Variants in ATP2A3 observed in about 807,000 individuals in gnomAD.
ATP2A3 encodes the protein sarcoplasmic/endoplasmic reticulum calcium ATPase 3.
A neutral mutation model predicts 106.8 loss-of-function variants in ATP2A3; 61 were observed. The observed-to-expected ratio is 0.57, with a 90% CI of 0.46 to 0.71. The LOEUF (loss-of-function observed/expected upper bound fraction) is 0.71, where lower values mean the gene tolerates loss of function less well. Ranked by LOEUF, ATP2A3 falls within the 30% of genes least tolerant of loss-of-function variation. ATP2A3 has a pLI of 0.00. For missense variants in ATP2A3, 1,201 were observed against 1,423.5 expected (o/e 0.84, Z 2.52); for synonymous variants, 611 against 609.3 (o/e 1.00, Z -0.04).
In ATP2A3 at chr17:3,926,242, C is replaced by G. The variant is rs552331451; in HGVS notation, c.2981-801G>C. 2.6e-5 allele frequency among the ~76,000 whole-genome samples: 4 copies of G among 152,214 alleles called. No individual in the cohort carries two copies. The highest frequency in any genetic ancestry group is 4.4e-5 in the Non-Finnish European group (3 of 68,038). ...AAAACTTCCCTAAAAGGCCACCCAG[C>G]TGGCTTGGGAGCGCAAAGGGTCCCT... is the stretch of plus-strand genomic sequence containing the variant. On this transcript the variant is annotated intron_variant, in intron 20 of 20. Coordinates refer to ENST00000397041, the MANE Select transcript of ATP2A3 (RefSeq NM_005173.4). The surrounding 1 kb of genome is among the most constrained non-coding windows in gnomAD (Gnocchi z 4.6).
chr17:3,957,878 C>T (rs1014290356), intron 1 of ATP2A3, among the ~76,000 whole-genome samples: 1 of 152,192 alleles, frequency 6.6e-6, no homozygotes, highest in Admixed American at 6.5e-5. Context: ...AGAGACAGGA[C>T]CAGGAGGTGC....
At chr17:3,952,329 C>T (rs2054496444) in intron 3 of ATP2A3, among the ~76,000 whole-genome samples, 1 of 152,186 alleles carries the variant, frequency 6.6e-6, no homozygotes, top group South Asian at 2.1e-4. Context: ...CTCGGCCTGC[C>T]AAAGTGCTAG....
intron 1 of ATP2A3, among the ~76,000 whole-genome samples, chr17:3,954,360 C>A (rs961340059): frequency 6.6e-6 from 1 of 151,792 alleles, no homozygotes; most frequent in African/African-American, 2.4e-5. Flanking sequence ...ATGGTGCAGT[C>A]CCCCCCAGGC....
chr17:3,950,695 G>T lies in ATP2A3; in HGVS notation c.542C>A (p.Thr181Lys), dbSNP rs766349090. 2 of 1,613,798 alleles carry T rather than the reference G, an allele frequency of 1.2e-6. No homozygotes were observed. The highest frequency in any genetic ancestry group is 1.7e-6 in the Non-Finnish European group (2 of 1,179,974). ...CGGCCTCCTGGGGGGGGCCTCACCCGTCAGGATGGACTGGTCCACTCGCAG... is the reference window on the plus strand; with the variant it reads ...CGGCCTCCTGGGGGGGGCCTCACCCTTCAGGATGGACTGGTCCACTCGCAG... ...TTLRVDQSIL[T>K]GESVSVTKHT... The change falls in exon 6 of 21, where the codon ACG becomes AAG. Residue 181 changes from threonine to lysine, a missense_variant and splice_region_variant. Transcript: ENST00000397041.
At chr17:3,956,800 AC>A (rs2054807440) in intron 1 of ATP2A3, among the ~76,000 whole-genome samples, 1 of 151,656 alleles carries the variant, frequency 6.6e-6, no homozygotes, top group Non-Finnish European at 1.5e-5. Context: ...CCTGACTGAT[AC>A]CCCCTCCGCT....
In ATP2A3 at chr17:3,943,513, C is replaced by T. The variant is rs1334729277; in HGVS notation, c.1297G>A (p.Val433Met). The T allele has an allele frequency of 1.9e-6, 3 of 1,613,964 alleles. No individual in the cohort carries two copies. Among genetic ancestry groups the T allele is most frequent in the Non-Finnish European group, 1.7e-6 (2 of 1,179,962 alleles). The change falls in exon 11 of 21, where the codon GTG (valine) becomes ATG (methionine). Residue 433 changes from valine (V) to methionine (M), a missense_variant. Coordinates refer to ENST00000397041, the MANE Select transcript of ATP2A3 (RefSeq NM_005173.4). ...SALDYNEAKGVYEKVGEATET... is the reference protein window; with the variant it reads ...SALDYNEAKGMYEKVGEATET... ...GTGGCCTCTCCCACCTTCTCATACA[C>T]ACCCTTGGCCTGGCAAGGACCCAGG...
chr17:3,964,066 G>A (rs747298220), intron 1 of ATP2A3, 108 bp downstream of exon 1: 83 of 542,456 alleles, frequency 1.5e-4, no homozygotes, highest in Non-Finnish European at 2.0e-4. Flanking sequence ...GGTTTCCGGA[G>A]CCCTCGCTTC....
chr17:3,932,682 T>C lies in ATP2A3; in HGVS notation c.2611-2248A>G, dbSNP rs191134837. Among the ~76,000 whole-genome samples, 1,255 of 150,332 alleles carry C rather than the reference T, an allele frequency of 8.3e-3. 21 individuals carry two copies. The highest frequency in any genetic ancestry group is 0.03 in the African/African-American group (1,193 of 39,716). On this transcript the variant is annotated intron_variant, in intron 17 of 20. Coordinates refer to ENST00000397041, the MANE Select transcript of ATP2A3 (RefSeq NM_005173.4). ...CTCAAATTCCTGGGCTCAAGTGATCTGCCCGCCTTGGCATCCCAGAGTGCT... is the reference window on the plus strand; with the variant it reads ...CTCAAATTCCTGGGCTCAAGTGATCCGCCCGCCTTGGCATCCCAGAGTGCT...
chr17:3,943,680 G>A (rs1054868418), intron 10 of ATP2A3, among the ~76,000 whole-genome samples, 158 bp from the exon 11 acceptor site: 13 of 152,138 alleles, frequency 8.5e-5, no homozygotes, highest in African/African-American at 3.1e-4. Flanking sequence ...GCCGCCCTGG[G>A]GTCGGGGTGG....
chr17:3,930,476 C>T lies in ATP2A3; in HGVS notation c.2611-42G>A, dbSNP rs780723294. ...AGGTCAGAGAGAGCGGCAGGTCAGG[C>T]GAGGGGCTGGTGGGTGGGAGGAGGG... On this transcript the variant is annotated intron_variant, in intron 17 of 20. Coordinates refer to ENST00000397041, the MANE Select transcript of ATP2A3 (RefSeq NM_005173.4). The surrounding 1 kb of genome is among the most constrained non-coding windows in gnomAD (Gnocchi z 5.4). The T allele has an allele frequency of 4.4e-6, 7 of 1,607,508 alleles. No individual in the cohort carries two copies. Among genetic ancestry groups the T allele is most frequent in the Non-Finnish European group, 5.1e-6 (6 of 1,177,652 alleles).
intron 5 of ATP2A3, among the ~76,000 whole-genome samples, 198 bp downstream of exon 5, chr17:3,951,053 G>C (rs2054391130): frequency 6.6e-6 from 1 of 151,972 alleles, no homozygotes; most frequent in African/African-American, 2.4e-5. Context: ...AATAAAAGGA[G>C]GAGGCCCCTA....
In ATP2A3 at chr17:3,953,398, C is replaced by T. The variant is rs753148382; in HGVS notation, c.168G>A (p.Gln56=). ...GKSLWELVLE[Q]FEDLLVRILL... is the part of the protein sequence containing the mutation. ...GGATGCGCACCAGGAGGTCCTCAAACTGTTCCAGCACCAGCTCCCACAGGG... is the reference window on the plus strand; with the variant it reads ...GGATGCGCACCAGGAGGTCCTCAAATTGTTCCAGCACCAGCTCCCACAGGG... The change falls in exon 3 of 21, where the codon CAG becomes CAA. Residue 56 remains glutamine, a synonymous_variant. Coordinates refer to ENST00000397041, the MANE Select transcript of ATP2A3 (RefSeq NM_005173.4). This position sits in a 1 kb window ranked among gnomAD's most constrained non-coding sequence, Gnocchi z 5.1. The T allele has an allele frequency of 8.1e-5, 130 of 1,613,928 alleles. No homozygotes were observed. Among genetic ancestry groups the T allele is most frequent in the Non-Finnish European group, 1.1e-4 (129 of 1,180,012 alleles).
In ATP2A3 at chr17:3,945,162, G is replaced by A. The variant is rs766342655; in HGVS notation, c.1096-14C>T. 1.9e-6 allele frequency: 3 copies of A among 1,544,252 alleles called. No individual in the cohort carries two copies. The South Asian group carries it at 3.6e-5, about 18-fold the overall frequency. ...TACCACGAACATCTGGGGAGCGCAG[G>A]GGCGTGCTTAGGCGGGCGGGGTCGC... On this transcript the variant is annotated splice_polypyrimidine_tract_variant and intron_variant, in intron 8 of 20. Transcript: ENST00000397041.
chr17:3,947,735 G>A lies in ATP2A3; in HGVS notation c.751C>T (p.Arg251Cys), dbSNP rs151050603. Residue 251 changes from arginine (R) to cysteine (C), a missense_variant, in exon 8 of 21, where the codon CGC (arginine) becomes TGC (cysteine). Around this residue, in one of 2 missense-constraint regions of ATP2A3, gnomAD observed 935 missense variants for 1,176.7 expected, o/e 0.79. Coordinates refer to ENST00000397041, the MANE Select transcript of ATP2A3 (RefSeq NM_005173.4). This position sits in a 1 kb window ranked among gnomAD's most constrained non-coding sequence, Gnocchi z 7.7. ...AVEPERTPLQ[R>C]KLDEFGRQLS... ...TGCCGTCCAAACTCGTCCAGCTTGC[G>A]CTGCAGCGGCGTCCGCTCGGGCTCG... is the stretch of plus-strand genomic sequence containing the variant. 1.9e-4 allele frequency: 309 copies of A among 1,608,996 alleles called. No individual in the cohort carries two copies. Among genetic ancestry groups the A allele is most frequent in the South Asian group, 4.8e-4 (44 of 91,074 alleles).
At chr17:3,941,770 AC>A (rs1431438136) in intron 12 of ATP2A3, 116 bp from the exon 13 acceptor site, 21 of 1,070,960 alleles carry the variant, frequency 2.0e-5, no homozygotes, top group Non-Finnish European at 2.6e-5. Context: ...CCAAGGGTAC[AC>A]ACGCAAGGCA....
At chr17:3,957,568 C>A (rs986894732) in intron 1 of ATP2A3, among the ~76,000 whole-genome samples, 2 of 152,246 alleles carry the variant, frequency 1.3e-5, no homozygotes, top group African/African-American at 4.8e-5. Context: ...TTACGAGGCT[C>A]TGCCTGCTCA....
chr17:3,963,665 T>TGGGGTG (rs544720033), intron 1 of ATP2A3, among the ~76,000 whole-genome samples: 138 of 152,192 alleles, frequency 9.1e-4, no homozygotes, highest in African/African-American at 2.8e-3. Flanking sequence ...GAGGAAGACC[T>TGGGGTG]GGGGTGGGGG....
intron 7 of ATP2A3, among the ~76,000 whole-genome samples, chr17:3,949,073 A>G (rs1168150042): frequency 7.1e-6 from 1 of 140,904 alleles, no homozygotes; most frequent in Non-Finnish European, 1.5e-5. Context: ...AGTTGCAGTG[A>G]GCTGAGATTG....
chr17:3,950,552 G>A lies in ATP2A3; in HGVS notation c.589C>T (p.Pro197Ser), dbSNP rs753707731. The A allele has an allele frequency of 3.1e-6, 5 of 1,614,052 alleles. No individual in the cohort carries two copies. The highest frequency in any genetic ancestry group is 8.5e-7 in the Non-Finnish European group (1 of 1,180,052). The change falls in exon 7 of 21, where the codon CCC (proline) becomes TCC (serine). Residue 197 changes from proline to serine, a missense_variant. This residue lies in a region of ATP2A3 where 935 missense variants were observed against 1,176.7 expected (regional missense o/e 0.79). Transcript: ENST00000397041. Reference sequence around the variant, plus strand: ...TTCTTGTCCTGGTTCACAGCTCTGGGGTCTGGGATGGCCTCTGTGTGCTTG... The same window carrying A: ...TTCTTGTCCTGGTTCACAGCTCTGGAGTCTGGGATGGCCTCTGTGTGCTTG... ...VTKHTEAIPD[P>S]RAVNQDKKNM...
Sources: gnomAD v4.1 joint callset for allele counts (sites outside exome capture counted in the v4.1 genomes callset) on GRCh38, gnomAD v4.1.1 for gene constraint, gnomAD v4.1.1 regional missense constraint, Gnocchi (gnomAD v3.1) non-coding constraint, MANE v1.5 for transcripts, NCBI Gene and HGNC (gene_info 2026-07-23, HGNC 2026-07-21) for gene names.